SUCLG1: variants seen among roughly 807,000 people sequenced by gnomAD.
The protein encoded by SUCLG1 is succinate--CoA ligase [ADP/GDP-forming] subunit alpha, mitochondrial.
In SUCLG1, 26 loss-of-function variants were observed where a neutral mutation model predicts 37.3. The ratio of observed to expected loss-of-function variants is 0.70; its 90% CI spans 0.51 to 0.97. The LOEUF (loss-of-function observed/expected upper bound fraction) is 0.97, where lower values mean the gene tolerates loss of function less well. SUCLG1 is among the 50% of genes least tolerant of loss of function. The pLI is 0.00. For synonymous variants in SUCLG1, 163 were observed against 155.6 expected, an observed-to-expected ratio of 1.05 and a Z score of -0.36; for missense variants, 433 against 432.9, an observed-to-expected ratio of 1.00 and a Z score of 0.00.
chr2:84,448,955 G>A (rs1256168946), intron 2 of SUCLG1: 7 of 405,736 alleles, frequency 1.7e-5, no homozygotes, highest in African/African-American at 1.3e-4. Context: ...TTCCTGGGGA[G>A]TAGAAAGGTA....
intron 5 of SUCLG1, among the ~76,000 whole-genome samples, chr2:84,438,540 G>A (rs966292060): frequency 6.6e-6 from 1 of 152,202 alleles, no homozygotes; most frequent in Non-Finnish European, 1.5e-5. Context: ...CCAAGGGACT[G>A]AAAAGTCCTT....
At chr2:84,433,804 T>A in intron 5 of SUCLG1, 1 of 292,702 alleles carries the variant, frequency 3.4e-6, no homozygotes, top group Non-Finnish European at 6.6e-6. Context: ...AGATTAGACT[T>A]ATACTACCTT....
intron 5 of SUCLG1, among the ~76,000 whole-genome samples, chr2:84,438,880 G>A (rs544582355): frequency 3.3e-5 from 5 of 152,310 alleles, no homozygotes; most frequent in Admixed American, 1.3e-4. Flanking sequence ...ACCAATCAGC[G>A]CTCTGTAGCT....
intron 8 of SUCLG1, among the ~76,000 whole-genome samples, chr2:84,424,052 A>AT (rs1308201637): frequency 2.6e-5 from 4 of 152,094 alleles, no homozygotes; most frequent in Admixed American, 6.6e-5. Context: ...AATAATATTT[A>AT]TTTTTTCACA....
At chr2:84,455,763 G>A (rs1239462732) in intron 1 of SUCLG1, among the ~76,000 whole-genome samples, 1 of 151,026 alleles carries the variant, frequency 6.6e-6, no homozygotes, top group Non-Finnish European at 1.5e-5. Context: ...TTGAACCTGG[G>A]AGGCGGAGCT....
At chr2:84,436,808 G>C (rs1165759287) in intron 5 of SUCLG1, among the ~76,000 whole-genome samples, 2 of 152,096 alleles carry the variant, frequency 1.3e-5, no homozygotes, top group Non-Finnish European at 1.5e-5. Flanking sequence ...TTCTTCACTA[G>C]ACTATAATTT....
At chr2:84,453,964 T>C (rs1025102165) in intron 1 of SUCLG1, among the ~76,000 whole-genome samples, 1 of 152,316 alleles carries the variant, frequency 6.6e-6, no homozygotes, top group Non-Finnish European at 1.5e-5. Context: ...ACCCAGAGCA[T>C]ACCTTTTGAT....
chr2:84,456,865 T>C lies in SUCLG1; in HGVS notation c.97+2308A>G, dbSNP rs186106392. On this transcript the variant is annotated intron_variant, in intron 1 of 8. Transcript: ENST00000393868. ...TTTTAGTAGAGACGGGGTTTCACCA[T>C]CTTGGCCAGGCTGGTCTTGAACTCC... is the stretch of plus-strand genomic sequence containing the variant. 6.6e-3 allele frequency among the ~76,000 whole-genome samples: 999 copies of C among 152,280 alleles called. 8 individuals are homozygous for C. Among genetic ancestry groups the C allele is most frequent in the African/African-American group, 0.022 (911 of 41,558 alleles).
chr2:84,452,601 C>T (rs1294880141), intron 1 of SUCLG1, among the ~76,000 whole-genome samples: 1 of 152,184 alleles, frequency 6.6e-6, no homozygotes, highest in African/African-American at 2.4e-5. Flanking sequence ...AACACCATCA[C>T]ACACTACATT....
chr2:84,454,071 G>A (rs1672983791), intron 1 of SUCLG1, among the ~76,000 whole-genome samples: 1 of 152,176 alleles, frequency 6.6e-6, no homozygotes, highest in African/African-American at 2.4e-5. Context: ...ATTGGCACCA[G>A]GTAGCACAGT....
At chr2:84,423,870 T>C in intron 8 of SUCLG1, 98 bp from the exon 9 acceptor site, 1 of 1,268,368 alleles carries the variant, frequency 7.9e-7, no homozygotes, top group South Asian at 1.3e-5. Flanking sequence ...ACCTATTATC[T>C]TTAGGATCCC....
chr2:84,441,367 A>C lies in SUCLG1; in HGVS notation c.411T>G (p.Ile137Met). 6.2e-7 allele frequency: 1 copy of C among 1,614,174 alleles called. No homozygotes were observed. The highest frequency in any genetic ancestry group is 8.5e-7 in the Non-Finnish European group (1 of 1,180,034). Reference sequence around the variant, plus strand: ...CTTCAGTGATACACACAACCAAGGGAATTTCTGCCTCAATAGCTTCATTAA... The same window carrying C: ...CTTCAGTGATACACACAACCAAGGGCATTTCTGCCTCAATAGCTTCATTAA... Reference protein sequence around the residue: ...AAINEAIEAEIPLVVCITEGI... With the variant: ...AAINEAIEAEMPLVVCITEGI... The change falls in exon 4 of 9, where the codon ATT becomes ATG. Residue 137 changes from isoleucine (I) to methionine (M), a missense_variant. By Grantham distance (10) the Ile-to-Met change is conservative. Coordinates refer to ENST00000393868, the MANE Select transcript of SUCLG1 (RefSeq NM_003849.4).
Position 84,443,362 on chromosome 2 carries a change from G to C in SUCLG1, c.240C>G (p.Thr80=), listed in dbSNP as rs137992732. Residue 80 remains threonine, a synonymous_variant, in exon 3 of 9, where the codon ACC becomes ACG. Coordinates refer to ENST00000393868, the MANE Select transcript of SUCLG1 (RefSeq NM_003849.4). ...FHSQQALEYG[T]KLVGGTTPGK... is the part of the protein sequence containing the mutation. ...CTGGAGTGGTTCCTCCAACGAGTTT[G>C]GTGCCATATTCCAATGCCTGCTGGC... is the stretch of plus-strand genomic sequence containing the variant. 3.1e-6 allele frequency: 5 copies of C among 1,614,148 alleles called. No individual in the cohort carries two copies. Among genetic ancestry groups the C allele is most frequent in the Non-Finnish European group, 4.2e-6 (5 of 1,180,000 alleles).
At chr2:84,454,876 C>T (rs571523746) in intron 1 of SUCLG1, among the ~76,000 whole-genome samples, 1 of 152,338 alleles carries the variant, frequency 6.6e-6, no homozygotes, top group East Asian at 1.9e-4. Flanking sequence ...CAGTACCATG[C>T]TCCTAACCAA....
chr2:84,425,656 G>A (rs1672525795), intron 7 of SUCLG1, 53 bp from the exon 8 acceptor site: 1 of 1,599,016 alleles, frequency 6.3e-7, no homozygotes, highest in African/African-American at 1.3e-5. Flanking sequence ...AATCAAAACG[G>A]GACCTCAAAT....
chr2:84,433,342 A>T lies in SUCLG1; in HGVS notation c.673+10T>A. The T allele has an allele frequency of 6.2e-7, 1 of 1,613,304 alleles. No homozygotes were observed. The highest frequency in any genetic ancestry group is 8.5e-7 in the Non-Finnish European group (1 of 1,179,324). On this transcript the variant is annotated intron_variant, in intron 6 of 8. Coordinates refer to ENST00000393868, the MANE Select transcript of SUCLG1 (RefSeq NM_003849.4). ...ACTCCAATAAAATGATTTTAGCAAAAGTCCCTCACCAACGCACAAAGACTG... is the reference window on the plus strand; with the variant it reads ...ACTCCAATAAAATGATTTTAGCAAATGTCCCTCACCAACGCACAAAGACTG...
At chr2:84,439,142 G>A (rs914426040) in intron 5 of SUCLG1, among the ~76,000 whole-genome samples, 3 of 151,292 alleles carry the variant, frequency 2.0e-5, no homozygotes, top group Non-Finnish European at 1.5e-5. Context: ...GAACCCACTG[G>A]AAGGAACCAA....
chr2:84,425,484 G>A lies in SUCLG1; in HGVS notation c.945C>T (p.Ile315=), dbSNP rs1281583789. The A allele has an allele frequency of 1.2e-6, 2 of 1,614,080 alleles. No homozygotes were observed. The highest frequency in any genetic ancestry group is 2.7e-5 in the African/African-American group (2 of 74,922). ...AGGKGGAKEK[I]SALQSAGVVV... ...CAACTCCTGCACTCTGAAGGGCAGA[G>A]ATCTTCTCTTTAGCTCCACCTTTTC... The change falls in exon 8 of 9, where the codon ATC becomes ATT. Residue 315 remains isoleucine, a synonymous_variant. Coordinates refer to ENST00000393868, the MANE Select transcript of SUCLG1 (RefSeq NM_003849.4).
intron 5 of SUCLG1, 92 bp downstream of exon 5, chr2:84,440,955 A>G (rs1424585969): frequency 1.1e-5 from 15 of 1,313,292 alleles, no homozygotes; most frequent in Admixed American, 5.3e-5. Flanking sequence ...AATTAATTAA[A>G]CTTGATTTGC....
Sources: allele counts gnomAD v4.1 joint callset (sites outside exome capture counted in the v4.1 genomes callset), GRCh38; gene constraint gnomAD v4.1.1; transcripts MANE v1.5; gene names NCBI Gene and HGNC (gene_info 2026-07-23, HGNC 2026-07-21).